Variants in WSCD1 observed in about 807,000 individuals in gnomAD.
WSCD1 encodes WSC domain sialate O sulfotransferase 1, also known as sialate:O-sulfotransferase 1.
A neutral mutation model predicts 60.4 loss-of-function variants in WSCD1; 41 were observed. That is an observed-to-expected ratio of 0.68 (90% CI 0.53 to 0.88). The LOEUF (loss-of-function observed/expected upper bound fraction) is 0.88. Among genes scored for constraint, WSCD1 ranks in the 40% least tolerant of loss-of-function variants. The pLI, the probability that WSCD1 is intolerant of heterozygous loss-of-function variation, is 0.00. For missense variants in WSCD1, 784 were observed against 796.2 expected (o/e 0.98, Z 0.18); for synonymous variants, 361 against 332.5 (o/e 1.09, Z -0.93).
rs191102417 is a variant in WSCD1 at position 6,113,327 on chromosome 17, C to T, written c.1174+2392C>T. Among the ~76,000 whole-genome samples the T allele has an allele frequency of 2.2e-3, 334 of 152,306 alleles. 2 individuals carry two copies. Among genetic ancestry groups the T allele is most frequent in the African/African-American group, 7.8e-3 (325 of 41,574 alleles). ...AGACTGAAGATATACCCCTATCTCT[C>T]TCCTTATGCAAAAATCAACTCAAAA... On this transcript the variant is annotated intron_variant, in intron 7 of 8. Transcript: ENST00000317744.
chr17:6,107,076 G>A (rs568057194), intron 5 of WSCD1, among the ~76,000 whole-genome samples: 10 of 152,144 alleles, frequency 6.6e-5, no homozygotes, highest in Non-Finnish European at 1.0e-4. Context: ...GGTTTCTTCC[G>A]AGGCCTCCCC....
intron 5 of WSCD1, among the ~76,000 whole-genome samples, chr17:6,105,335 C>T (rs1911028102): frequency 6.6e-6 from 1 of 152,166 alleles, no homozygotes; most frequent in African/African-American, 2.4e-5. Context: ...GAAACAATCC[C>T]AAATCTATCT....
chr17:6,078,945 G>T (rs998617063), intron 1 of WSCD1, among the ~76,000 whole-genome samples: 10 of 152,136 alleles, frequency 6.6e-5, no homozygotes, highest in African/African-American at 2.2e-4. Context: ...GAAAATAGAA[G>T]CTCTGGAGAA....
In WSCD1 at chr17:6,120,743, C is replaced by T. The variant is rs761940853; in HGVS notation, c.*82C>T. 1.7e-5 allele frequency: 25 copies of T among 1,445,632 alleles called. No homozygotes were observed. The highest frequency in any genetic ancestry group is 4.2e-5 in the Admixed American group (2 of 48,130). The allele number at this position is 1,445,632 out of a possible 1,614,324, so 89.6% of individuals were successfully genotyped here. Reference sequence around the variant, plus strand: ...CGCTCCCCACTCTGATGCTCAGGCCCGTGGCCTCACTGGGACGAACGGTGG... The same window carrying T: ...CGCTCCCCACTCTGATGCTCAGGCCTGTGGCCTCACTGGGACGAACGGTGG... On this transcript the variant is annotated 3_prime_UTR_variant, in exon 9 of 9. Coordinates refer to ENST00000317744, the MANE Select transcript of WSCD1 (RefSeq NM_015253.2).
chr17:6,085,004 G>T (rs2150536137), intron 2 of WSCD1: 1 of 152,316 alleles, frequency 6.6e-6, no homozygotes, highest in East Asian at 1.9e-4. Flanking sequence ...ATGGCCAGCT[G>T]GTCACAGGTG....
chr17:6,094,477 C>G (rs949298028), intron 4 of WSCD1, among the ~76,000 whole-genome samples: 57 of 152,114 alleles, frequency 3.7e-4, no homozygotes, highest in African/African-American at 1.3e-3. Context: ...ATATCAGCCT[C>G]TCAGGTCACC....
rs1319345146 is a variant in WSCD1, at chr17:6,080,399, A to G, written c.-260A>G. ...TCTGCGCCAGGAGATGAGGGGCGGT[A>G]GAGCCCTGGAATGGAGATGTCCTTG... On this transcript the variant is annotated 5_prime_UTR_variant, in exon 2 of 9. An upstream open reading frame in the 5' UTR loses its in-frame stop. Transcript: ENST00000317744. This position sits in a 1 kb window ranked among gnomAD's most constrained non-coding sequence, Gnocchi z 6.6. The G allele has an allele frequency of 6.0e-6, 3 of 501,864 alleles. No individual in the cohort carries two copies. The highest frequency in any genetic ancestry group is 1.0e-5 in the Non-Finnish European group (3 of 286,090). 31.1% of individuals were successfully genotyped at this position (501,864 alleles called of 1,614,324 possible).
chr17:6,109,891 G>A (rs1911312689), intron 6 of WSCD1, 125 bp downstream of exon 6: 2 of 1,328,322 alleles, frequency 1.5e-6, no homozygotes, highest in Non-Finnish European at 2.0e-6. Flanking sequence ...TCTGTGTAAA[G>A]GTCTTGGCAT....
intron 6 of WSCD1, among the ~76,000 whole-genome samples, 178 bp downstream of exon 6, chr17:6,109,944 C>T (rs1487229282): frequency 6.6e-6 from 1 of 152,052 alleles, no homozygotes; most frequent in Non-Finnish European, 1.5e-5. Flanking sequence ...AGTTTTCCAC[C>T]CTCCACAGAG....
intron 1 of WSCD1, among the ~76,000 whole-genome samples, chr17:6,078,859 T>C (rs932187746): frequency 2.0e-5 from 3 of 152,056 alleles, no homozygotes; most frequent in African/African-American, 7.3e-5. Flanking sequence ...TCAGTCAGGA[T>C]TTCTTGGGAT....
chr17:6,083,503 C>G (rs1909413128), intron 2 of WSCD1, among the ~76,000 whole-genome samples: 1 of 152,214 alleles, frequency 6.6e-6, no homozygotes, highest in Admixed American at 6.5e-5. Flanking sequence ...CAGCAGCCTC[C>G]CAAAGCGCTA....
rs1453028245 is a variant in WSCD1, at chr17:6,101,425, T to TG, written c.849+6206dup. Among the ~76,000 whole-genome samples, 7 of 151,632 alleles carry TG rather than the reference T, an allele frequency of 4.6e-5. No individual in the cohort carries two copies. Among genetic ancestry groups the TG allele is most frequent in the Admixed American group, 1.3e-4 (2 of 15,222 alleles). ...GGCTGGGAGCAGCAGATGTGAGAGG[T>TG]GGGGCTTGGAAACAGGAAAAGAGGA... On this transcript the variant is annotated intron_variant, in intron 5 of 8. Coordinates refer to ENST00000317744, the MANE Select transcript of WSCD1 (RefSeq NM_015253.2). The surrounding 1 kb of genome is among the most constrained non-coding windows in gnomAD (Gnocchi z 4.1).
chr17:6,098,838 T>A (rs760689574), intron 5 of WSCD1, among the ~76,000 whole-genome samples: 26 of 152,144 alleles, frequency 1.7e-4, no homozygotes, highest in Admixed American at 6.5e-4. Context: ...GGCAGGTGAC[T>A]CTCACTGGTG....
rs1302731073 is a variant in WSCD1, at chr17:6,118,341, G to GTGC, written c.1375+159_1375+161dup. Among the ~76,000 whole-genome samples the GTGC allele has an allele frequency of 1.3e-5, 2 of 152,164 alleles. No homozygotes were observed. Among genetic ancestry groups the GTGC allele is most frequent in the African/African-American group, 4.8e-5 (2 of 41,438 alleles). On this transcript the variant is annotated intron_variant, in intron 8 of 8. Coordinates refer to ENST00000317744, the MANE Select transcript of WSCD1 (RefSeq NM_015253.2). The surrounding 1 kb of genome is among the most constrained non-coding windows in gnomAD (Gnocchi z 5.8). The stretch of plus-strand genomic sequence containing the variant: ...CAAACCCCATCCTGCTAGGGACTTA[G>GTGC]TGCTGCTGTGCCTGGGCTTGAGTTC...
chr17:6,075,375 C>T lies in WSCD1; in HGVS notation c.-289+4723C>T, dbSNP rs1010889691. Among the ~76,000 whole-genome samples the T allele has an allele frequency of 6.6e-6, 1 of 152,100 alleles. No individual in the cohort carries two copies. The highest frequency in any genetic ancestry group is 2.1e-4 in the South Asian group (1 of 4,812). ...CCAGCTCCGAGTTCTATCTTGCAGC[C>T]CCCAGCCCCAGGGACTGCCTCCTCT... On this transcript the variant is annotated intron_variant, in intron 1 of 8. Transcript: ENST00000317744. The surrounding 1 kb of genome is among the most constrained non-coding windows in gnomAD (Gnocchi z 4.1).
intron 5 of WSCD1, among the ~76,000 whole-genome samples, chr17:6,106,961 C>T (rs560196014): frequency 1.3e-5 from 2 of 152,304 alleles, no homozygotes; most frequent in South Asian, 4.2e-4. Context: ...CATTCATCAA[C>T]TTGGCTGCTA....
Position 6,109,665 on chromosome 17 carries a change from G to A in WSCD1, c.908G>A (p.Arg303Gln), listed in dbSNP as rs773729894. Residue 303 changes from arginine (R) to glutamine (Q), a missense_variant, in exon 6 of 9, where the codon CGG becomes CAG. Arg to Gln is a conservative substitution (Grantham distance 43, BLOSUM62 1). Coordinates refer to ENST00000317744, the MANE Select transcript of WSCD1 (RefSeq NM_015253.2). ...WECYCAYPTP[R>Q]FNLRDAMDSS... is the part of the protein sequence containing the mutation. ...TGCTACTGTGCTTACCCTACCCCCC[G>A]GTTCAACCTGCGGGATGCCATGGAC... 20 of 1,614,162 alleles carry A rather than the reference G, an allele frequency of 1.2e-5. No homozygotes were observed. The highest frequency in any genetic ancestry group is 3.3e-5 in the South Asian group (3 of 91,082).
At position 6,080,923 on chromosome 17, in the gene WSCD1, C is replaced by T. The variant is rs1371474329; in HGVS notation, c.265C>T (p.Gln89Ter). Residue 89 changes from glutamine to a stop codon, truncating the protein, a stop_gained, in exon 2 of 9, where the codon CAG (glutamine) becomes TAG (stop). Transcript: ENST00000317744. LOFTEE classifies it high-confidence loss of function. This position sits in a 1 kb window ranked among gnomAD's most constrained non-coding sequence, Gnocchi z 6.6. ...PELLLGVDML[Q>*]SPLTRPRPGP... is the part of the protein sequence containing the mutation. Reference sequence around the variant, plus strand: ...GCTGCTGCTGGGTGTGGACATGCTGCAGAGCCCCCTGACCCGGCCCCGGCC... The same window carrying T: ...GCTGCTGCTGGGTGTGGACATGCTGTAGAGCCCCCTGACCCGGCCCCGGCC... 2 of 1,591,402 alleles carry T rather than the reference C, an allele frequency of 1.3e-6. No individual in the cohort carries two copies. The highest frequency in any genetic ancestry group is 1.1e-5 in the South Asian group (1 of 88,430).
intron 5 of WSCD1, among the ~76,000 whole-genome samples, chr17:6,104,167 T>G (rs1306511587): frequency 6.6e-6 from 1 of 152,096 alleles, no homozygotes; most frequent in African/African-American, 2.4e-5. Context: ...GCCAGGCTCC[T>G]ATAAACAACC....
Sources: allele counts gnomAD v4.1 joint callset (sites outside exome capture counted in the v4.1 genomes callset), GRCh38; gene constraint gnomAD v4.1.1; non-coding constraint Gnocchi (gnomAD v3.1); transcripts MANE v1.5; gene names NCBI Gene and HGNC (gene_info 2026-07-23, HGNC 2026-07-21).